Variants in SNX25 observed in about 807,000 individuals in gnomAD.
SNX25 encodes the protein sorting nexin-25.
A neutral mutation model predicts 113.7 loss-of-function variants in SNX25; 62 were observed. That is an observed-to-expected ratio of 0.55 (90% CI 0.44 to 0.67). The LOEUF (loss-of-function observed/expected upper bound fraction) is 0.67, where lower values mean the gene tolerates loss of function less well. Among genes scored for constraint, SNX25 ranks in the 30% least tolerant of loss-of-function variants. SNX25 has a pLI of 0.00. For synonymous variants in SNX25, 421 were observed against 436.2 expected, an observed-to-expected ratio of 0.97 and a Z score of 0.43; for missense variants, 1,014 against 1,161.0, an observed-to-expected ratio of 0.87 and a Z score of 1.84.
intron 1 of SNX25, among the ~76,000 whole-genome samples, chr4:185,214,311 C>CCTT (rs1336736457): frequency 6.6e-6 from 1 of 150,986 alleles, no homozygotes; most frequent in Non-Finnish European, 1.5e-5. Context: ...AATCCCAGTG[C>CCTT]CTTGGGAGAC....
At chr4:185,357,560 G>A in intron 15 of SNX25, 111 bp from the exon 16 acceptor site, 2 of 892,800 alleles carry the variant, frequency 2.2e-6, no homozygotes, top group Non-Finnish European at 3.7e-6. Flanking sequence ...ATGACTTGAT[G>A]GCAGGACTGA....
At chr4:185,265,379 C>T (rs1747918527) in intron 4 of SNX25, among the ~76,000 whole-genome samples, 4 of 152,132 alleles carry the variant, frequency 2.6e-5, no homozygotes, top group Admixed American at 2.6e-4. Flanking sequence ...TATTACTGTA[C>T]TGAATACTGT....
At chr4:185,237,045 A>G (rs1301800347) in intron 1 of SNX25, among the ~76,000 whole-genome samples, 1 of 152,218 alleles carries the variant, frequency 6.6e-6, no homozygotes, top group Non-Finnish European at 1.5e-5. Flanking sequence ...AAATTATAGC[A>G]TTTTTGAAAT....
At chr4:185,325,143 C>T (rs746843721) in intron 9 of SNX25, among the ~76,000 whole-genome samples, 2 of 152,070 alleles carry the variant, frequency 1.3e-5, no homozygotes, top group African/African-American at 4.8e-5. Flanking sequence ...TTACTAGGCC[C>T]AATTGATTGA....
At chr4:185,216,435 G>T (rs1241554546) in intron 1 of SNX25, among the ~76,000 whole-genome samples, 1 of 151,420 alleles carries the variant, frequency 6.6e-6, no homozygotes, top group Non-Finnish European at 1.5e-5. Context: ...AAGTGTGAAG[G>T]TACAATGCAT....
At chr4:185,314,732 C>T (rs2095057288) in intron 7 of SNX25, among the ~76,000 whole-genome samples, 1 of 150,980 alleles carries the variant, frequency 6.6e-6, no homozygotes, top group Admixed American at 6.6e-5. Flanking sequence ...GTGGTGGGCA[C>T]CTATAATCCC....
intron 14 of SNX25, 104 bp downstream of exon 14, chr4:185,351,713 C>T: frequency 8.2e-7 from 1 of 1,224,170 alleles, no homozygotes; most frequent in East Asian, 2.4e-5. Flanking sequence ...CAGTCATTAG[C>T]ACTGTCACAT....
At chr4:185,242,347 G>T (rs1744186866) in intron 1 of SNX25, among the ~76,000 whole-genome samples, 1 of 152,098 alleles carries the variant, frequency 6.6e-6, no homozygotes, top group African/African-American at 2.4e-5. Flanking sequence ...TAGATTAAGT[G>T]AAGCTCAGTC....
rs34410263 is a variant in SNX25, at chr4:185,216,513, G to GTTTTTT, written c.429+6276_429+6281dup. On this transcript the variant is annotated intron_variant, in intron 1 of 18. Transcript: ENST00000652585. Reference sequence around the variant, plus strand: ...AGGAAATGACAAAAGTGTGTATTTGGTTTTTTTTTTTTTTTTTTTTTTTGA... The same window carrying GTTTTTT: ...AGGAAATGACAAAAGTGTGTATTTGGTTTTTTTTTTTTTTTTTTTTTTTTTTTTTGA... Among the ~76,000 whole-genome samples, 181 of 96,716 alleles carry GTTTTTT rather than the reference G, an allele frequency of 1.9e-3. 2 individuals are homozygous for GTTTTTT. The highest frequency in any genetic ancestry group is 5.9e-3 in the South Asian group (15 of 2,554). The allele number at this position is 96,716 out of a possible 152,430, so 63.4% of individuals were successfully genotyped here.
chr4:185,291,479 C>T (rs1752161475), intron 6 of SNX25, among the ~76,000 whole-genome samples: 1 of 152,204 alleles, frequency 6.6e-6, no homozygotes, highest in East Asian at 1.9e-4. Context: ...GTTCTTCTGT[C>T]TCAATTCCTA....
At chr4:185,355,676 C>T (rs936275167) in intron 15 of SNX25, among the ~76,000 whole-genome samples, 3 of 152,138 alleles carry the variant, frequency 2.0e-5, no homozygotes, top group Non-Finnish European at 4.4e-5. Context: ...AGATAAAAAA[C>T]CTAATAGCTT....
At chr4:185,263,610 T>C (rs1460397900) in intron 3 of SNX25, among the ~76,000 whole-genome samples, 1 of 152,208 alleles carries the variant, frequency 6.6e-6, no homozygotes, top group Non-Finnish European at 1.5e-5. Flanking sequence ...GCATGGGTCC[T>C]AAAGGTACTA....
downstream of SNX25, chr4:185,374,227 C>T (rs1295195450): frequency 4.3e-6 from 7 of 1,614,066 alleles, no homozygotes; most frequent in Middle Eastern, 1.6e-4. Flanking sequence ...TTGTCTGCTG[C>T]GATAAGCCAC....
intron 1 of SNX25, among the ~76,000 whole-genome samples, chr4:185,245,712 A>G (rs1189501883): frequency 6.6e-6 from 1 of 152,202 alleles, no homozygotes; most frequent in Admixed American, 6.5e-5. Context: ...TTAAAATTCT[A>G]TACCTCCGCC....
chr4:185,329,216 A>G (rs1242868919), intron 9 of SNX25, among the ~76,000 whole-genome samples: 13 of 152,160 alleles, frequency 8.5e-5, no homozygotes, highest in Admixed American at 5.2e-4. Context: ...ATCGGTTGTC[A>G]TTATCTAATT....
rs1751582201 is a variant in SNX25 at position 185,287,995 on chromosome 4, C to T, written c.1092-17C>T. 2.5e-6 allele frequency: 4 copies of T among 1,595,974 alleles called. No individual in the cohort carries two copies. The highest frequency in any genetic ancestry group is 3.4e-6 in the Non-Finnish European group (4 of 1,168,116). ...TCTTCCTCTTAAATCTTTTTCTTTTCTCTTTTTAAAAATCAGGTATCAAAT... is the reference window on the plus strand; with the variant it reads ...TCTTCCTCTTAAATCTTTTTCTTTTTTCTTTTTAAAAATCAGGTATCAAAT... On this transcript the variant is annotated splice_polypyrimidine_tract_variant and intron_variant, in intron 5 of 18. Transcript: ENST00000652585.
intron 1 of SNX25, among the ~76,000 whole-genome samples, chr4:185,236,584 T>G (rs1223373348): frequency 3.2e-4 from 49 of 152,132 alleles, no homozygotes; most frequent in Admixed American, 3.2e-3. Context: ...AGAGAATAAA[T>G]TATGATATAA....
intron 14 of SNX25, chr4:185,353,227 G>T: frequency 6.6e-6 from 2 of 302,908 alleles, no homozygotes; most frequent in Non-Finnish European, 6.0e-6. Flanking sequence ...CTATTTTATT[G>T]TCTATTAATT....
rs79038306 is a variant in SNX25 at position 185,214,616 on chromosome 4, G to A, written c.429+4361G>A. On this transcript the variant is annotated intron_variant, in intron 1 of 18. Coordinates refer to ENST00000652585, the MANE Select transcript of SNX25 (RefSeq NM_001378034.2). ...AAAGTTGGGTGCTTAGTAGAATATC[G>A]GAAACTAAAGGCCACTGCCATGTGA... 5.8e-3 allele frequency among the ~76,000 whole-genome samples: 884 copies of A among 152,094 alleles called. 22 individuals are homozygous for A. Among genetic ancestry groups the A allele is most frequent in the South Asian group, 0.057 (274 of 4,814 alleles).
Sources: gnomAD v4.1 joint callset for allele counts (sites outside exome capture counted in the v4.1 genomes callset) on GRCh38, gnomAD v4.1.1 for gene constraint, MANE v1.5 for transcripts, NCBI Gene and HGNC (gene_info 2026-07-23, HGNC 2026-07-21) for gene names.